The following ELP1 variants were observed in gnomAD, a reference collection of about 807,000 sequenced individuals.
The protein encoded by ELP1 is elongator complex protein 1.
A neutral mutation model predicts 183.2 loss-of-function variants in ELP1; 131 were observed. That is an observed-to-expected ratio of 0.72 (90% CI 0.62 to 0.83). The LOEUF (loss-of-function observed/expected upper bound fraction) is 0.83. ELP1 is among the 40% of genes least tolerant of loss of function. The pLI, the probability that ELP1 is intolerant of heterozygous loss-of-function variation, is 0.00. For missense variants in ELP1, 1,550 were observed against 1,594.9 expected, an observed-to-expected ratio of 0.97 and a Z score of 0.48; for synonymous variants, 555 against 569.0, an observed-to-expected ratio of 0.98 and a Z score of 0.35.
In ELP1 at chr9:108,875,458, G is replaced by A. The variant is rs571437680; in HGVS notation, c.3856-488C>T. On this transcript the variant is annotated intron_variant, in intron 35 of 36. Transcript: ENST00000374647. Reference sequence around the variant, plus strand: ...TCCGCAGGAATTTCAAGCCTGCAGCGAGCCTCTGGGCACACCCCTGGTTAG... The same window carrying A: ...TCCGCAGGAATTTCAAGCCTGCAGCAAGCCTCTGGGCACACCCCTGGTTAG... 1.6e-4 allele frequency among the ~76,000 whole-genome samples: 24 copies of A among 152,310 alleles called. 1 individual carries two copies. The South Asian group carries it at 2.5e-3, about 16-fold the overall frequency.
At chr9:108,908,513 GA>G in intron 12 of ELP1, 109 bp from the exon 13 acceptor site, 1 of 787,662 alleles carries the variant, frequency 1.3e-6, no homozygotes, top group Non-Finnish European at 2.2e-6. Flanking sequence ...CAGCAATCTA[GA>G]AAATAATCAC....
Position 108,898,512 on chromosome 9 carries a change from T to TA in ELP1, c.2352dup (p.Thr785TyrfsTer28). On this transcript the variant is annotated frameshift_variant, in exon 22 of 37. Transcript: ENST00000374647. LOFTEE classifies it high-confidence loss of function. The stretch of plus-strand genomic sequence containing the variant: ...ATTCAAAATACTTACTTCAATTCTG[T>TA]AAAAAACAAGTTAATATGATTCACA... The TA allele has an allele frequency of 1.3e-6, 2 of 1,555,996 alleles. No individual in the cohort carries two copies. Among genetic ancestry groups the TA allele is most frequent in the African/African-American group, 1.4e-5 (1 of 73,258 alleles).
chr9:108,895,364 G>A (rs551967189), intron 25 of ELP1, among the ~76,000 whole-genome samples: 1 of 152,322 alleles, frequency 6.6e-6, no homozygotes, highest in Non-Finnish European at 1.5e-5. Flanking sequence ...GGCTTACTGG[G>A]AAGAGGCCAC....
chr9:108,932,731 G>A (rs570684956), intron 1 of ELP1, among the ~76,000 whole-genome samples: 4 of 151,816 alleles, frequency 2.6e-5, no homozygotes, highest in African/African-American at 7.3e-5. Flanking sequence ...TTATCTTCTC[G>A]GAGGAAGACT....
At position 108,897,257 on chromosome 9, in the gene ELP1, G is replaced by T; in HGVS notation, c.2392C>A (p.Pro798Thr). 2 of 1,614,018 alleles carry T rather than the reference G, an allele frequency of 1.2e-6. No individual in the cohort carries two copies. Among genetic ancestry groups the T allele is most frequent in the Non-Finnish European group, 1.7e-6 (2 of 1,179,998 alleles). Residue 798 changes from proline to threonine, a missense_variant, in exon 23 of 37, where the codon CCT (proline) becomes ACT (threonine). By Grantham distance (38) the Pro-to-Thr change is conservative. Transcript: ENST00000374647. ...TAGACACTGCTGGTAACTGGTGCAG[G>T]GTACATGGTCTTCGTGACATCTTCT... ...KEEDVTKTMY[P>T]APVTSSVYLS... is the part of the protein sequence containing the mutation.
chr9:108,902,741 G>T, intron 16 of ELP1, 98 bp downstream of exon 16: 1 of 839,886 alleles, frequency 1.2e-6, no homozygotes, highest in South Asian at 1.4e-5. Context: ...ATTTAGTGGA[G>T]ACCCAAGTCC....
At chr9:108,869,981 T>G (rs1258708783) in intron 36 of ELP1, among the ~76,000 whole-genome samples, 1 of 152,188 alleles carries the variant, frequency 6.6e-6, no homozygotes, top group Non-Finnish European at 1.5e-5. Context: ...ATACCTTTTT[T>G]TTTTCTTTTT....
intron 12 of ELP1, 82 bp downstream of exon 12, chr9:108,910,928 C>G (rs1337894461): frequency 3.2e-6 from 4 of 1,231,366 alleles, no homozygotes; most frequent in Admixed American, 1.7e-5. Flanking sequence ...AGACCTATGG[C>G]AACACCAAAC....
intron 19 of ELP1, 83 bp from the exon 20 acceptor site, chr9:108,899,978 CA>C: frequency 9.3e-7 from 1 of 1,079,848 alleles, no homozygotes; most frequent in East Asian, 2.5e-5. Context: ...CCTAACTCTT[CA>C]CAGAGAATTA....
In ELP1 at chr9:108,931,220, G is replaced by A; in HGVS notation, c.-55-19C>T. ...TTAATCTCTAAGAGAAAAATAAATA[G>A]CTTAATAGTGATAAATGACCATATT... On this transcript the variant is annotated intron_variant, in intron 1 of 36. Coordinates refer to ENST00000374647, the MANE Select transcript of ELP1 (RefSeq NM_003640.5). The A allele has an allele frequency of 7.5e-7, 1 of 1,334,442 alleles. No individual in the cohort carries two copies. Among genetic ancestry groups the A allele is most frequent in the Non-Finnish European group, 1.1e-6 (1 of 926,550 alleles). 82.7% of individuals were successfully genotyped at this position (1,334,442 alleles called of 1,614,324 possible). A position where few individuals can be genotyped will look rare whatever the true frequency, so the allele number is the denominator to read the frequency against.
rs1434950378 is a variant in ELP1 at position 108,919,426 on chromosome 9, A to G, written c.553-77T>C. 5.3e-6 allele frequency: 5 copies of G among 940,374 alleles called. No homozygotes were observed. In the Admixed American group the frequency reaches 5.6e-5, roughly 10 times the overall value. 58.3% of individuals were successfully genotyped at this position (940,374 alleles called of 1,614,324 possible). A position where few individuals can be genotyped will look rare whatever the true frequency, so the allele number is the denominator to read the frequency against. On this transcript the variant is annotated intron_variant, in intron 6 of 36. Coordinates refer to ENST00000374647, the MANE Select transcript of ELP1 (RefSeq NM_003640.5). ...AATCAAACAAGCCTCAGACCACTAG[A>G]TACAGATGTTTTTTAAGAGGTTTAA...
chr9:108,917,820 T>C (rs1829505128), intron 8 of ELP1, 150 bp from the exon 9 acceptor site: 1 of 895,354 alleles, frequency 1.1e-6, no homozygotes, highest in African/African-American at 1.6e-5. Flanking sequence ...AAATCCCATG[T>C]GTCCCTTGTC....
chr9:108,927,668 T>C (rs1027518787), intron 3 of ELP1, among the ~76,000 whole-genome samples: 73 of 152,144 alleles, frequency 4.8e-4, no homozygotes, highest in Non-Finnish European at 8.5e-4. Context: ...GATAAAGAAA[T>C]TGTGGTACTA....
chr9:108,901,672 G>C lies in ELP1; in HGVS notation c.1864C>G (p.Leu622Val), dbSNP rs1313801879. 4 of 1,614,042 alleles carry C rather than the reference G, an allele frequency of 2.5e-6. No homozygotes were observed. Among genetic ancestry groups the C allele is most frequent in the Middle Eastern group, 1.6e-4 (1 of 6,062 alleles). ...LAMIGEEECV[L>V]GLTDRCRFFI... ...AAGCGACACCTGTCAGTCAGACCAA[G>C]GACACATTCCTGCAAAGAAATAAAA... The change falls in exon 17 of 37, where the codon CTT (leucine) becomes GTT (valine). Residue 622 changes from leucine to valine, a missense_variant. Leu to Val is a conservative substitution (Grantham distance 32). Coordinates refer to ENST00000374647, the MANE Select transcript of ELP1 (RefSeq NM_003640.5).
rs1207252432 is a variant in ELP1, at chr9:108,881,997, C to G, written c.3285+128G>C. ...TTTAAAAACACCGCTTTTCCTTAAG[C>G]CAGGAACCTGACCTATTTCTACTTA... is the stretch of plus-strand genomic sequence containing the variant. On this transcript the variant is annotated intron_variant, in intron 30 of 36. Coordinates refer to ENST00000374647, the MANE Select transcript of ELP1 (RefSeq NM_003640.5). 5.0e-6 allele frequency: 4 copies of G among 795,790 alleles called. No homozygotes were observed. The African/African-American group carries it at 6.9e-5, about 14-fold the overall frequency. 49.3% of individuals were successfully genotyped at this position (795,790 alleles called of 1,614,324 possible). A position where few individuals can be genotyped will look rare whatever the true frequency, so the allele number is the denominator to read the frequency against.
At chr9:108,885,593 A>G (rs1370329059) in intron 29 of ELP1, among the ~76,000 whole-genome samples, 1 of 152,226 alleles carries the variant, frequency 6.6e-6, no homozygotes, top group African/African-American at 2.4e-5. Context: ...AAAGAAAAAA[A>G]TATCTCCCAA....
In ELP1 at chr9:108,931,068, G is replaced by GGA. The variant is rs760080934; in HGVS notation, c.77_78dup (p.Arg27SerfsTer16). On this transcript the variant is annotated frameshift_variant, in exon 2 of 37. Transcript: ENST00000374647. LOFTEE classifies it high-confidence loss of function. ...ATGAGCACCGTCCCCTGTTCAGTTCGGAGAGAGAAGCACTGAGGATTCCCT... is the reference window on the plus strand; with the variant it reads ...ATGAGCACCGTCCCCTGTTCAGTTCGGAGAGAGAGAAGCACTGAGGATTCCCT... The GGA allele has an allele frequency of 6.2e-7, 1 of 1,614,002 alleles. No individual in the cohort carries two copies. Among genetic ancestry groups the GGA allele is most frequent in the South Asian group, 1.1e-5 (1 of 91,058 alleles).
At position 108,901,508 on chromosome 9, in the gene ELP1, A is replaced by C; in HGVS notation, c.1931T>G (p.Phe644Cys). 1 of 1,614,146 alleles carries C rather than the reference A, an allele frequency of 6.2e-7. No individual in the cohort carries two copies. Among genetic ancestry groups the C allele is most frequent in the Non-Finnish European group, 8.5e-7 (1 of 1,179,966 alleles). Reference protein sequence around the residue: ...DIEVASNITSFAVYDEFLLLT... With the variant: ...DIEVASNITSCAVYDEFLLLT... ...CAATAAAAACTCATCATATACTGCA[A>C]ATGACGTGATATTTGACGCAACCTG... The change falls in exon 18 of 37, where the codon TTT becomes TGT. Residue 644 changes from phenylalanine (F) to cysteine (C), a missense_variant. Coordinates refer to ENST00000374647, the MANE Select transcript of ELP1 (RefSeq NM_003640.5).
intron 12 of ELP1, among the ~76,000 whole-genome samples, chr9:108,910,188 A>G (rs778767763): frequency 6.6e-6 from 1 of 152,182 alleles, no homozygotes; most frequent in Non-Finnish European, 1.5e-5. Context: ...TGAAAAGTTT[A>G]AGGAGGACTG....
Sources: allele counts gnomAD v4.1 joint callset (sites outside exome capture counted in the v4.1 genomes callset), GRCh38; gene constraint gnomAD v4.1.1; transcripts MANE v1.5; gene names NCBI Gene and HGNC (gene_info 2026-07-23, HGNC 2026-07-21).